TGFBR2: variants seen among roughly 807,000 people sequenced by gnomAD.
The protein encoded by TGFBR2 is transforming growth factor beta receptor 2.
In TGFBR2, 18 loss-of-function variants were observed where a neutral mutation model predicts 49.0. The ratio of observed to expected loss-of-function variants is 0.37; its 90% CI spans 0.25 to 0.54. The LOEUF (loss-of-function observed/expected upper bound fraction) is 0.54. TGFBR2 is among the 20% of genes least tolerant of loss of function. The pLI, the probability that TGFBR2 is intolerant of heterozygous loss-of-function variation, is 0.85. For synonymous variants in TGFBR2, 282 were observed against 275.9 expected (o/e 1.02, Z -0.22); for missense variants, 525 against 722.6 (o/e 0.73, Z 3.13).
At chr3:30,653,254 T>TTTTC (rs1698929406) in intron 3 of TGFBR2, among the ~76,000 whole-genome samples, 1 of 102,166 alleles carries the variant, frequency 9.8e-6, no homozygotes, top group Admixed American at 1.1e-4. Flanking sequence ...TGAAAACTTT[T>TTTTC]TTTTTTTTTT....
At chr3:30,668,581 C>CTT (rs3836404) in intron 3 of TGFBR2, among the ~76,000 whole-genome samples, 11 of 151,998 alleles carry the variant, frequency 7.2e-5, no homozygotes, top group South Asian at 4.2e-4. Context: ...ACAAGAGCAT[C>CTT]TTTTTTTTCT....
intron 1 of TGFBR2, among the ~76,000 whole-genome samples, chr3:30,613,923 C>T (rs929009378): frequency 1.3e-5 from 2 of 152,158 alleles, no homozygotes; most frequent in Non-Finnish European, 2.9e-5. Flanking sequence ...AGCAACATTC[C>T]TTTGCAGAGA....
chr3:30,635,008 T>G (rs945688664), intron 1 of TGFBR2, among the ~76,000 whole-genome samples: 2 of 152,226 alleles, frequency 1.3e-5, no homozygotes, highest in African/African-American at 2.4e-5. Flanking sequence ...CAGTCAGTCT[T>G]TGCCAGATAA....
intron 1 of TGFBR2, among the ~76,000 whole-genome samples, chr3:30,622,229 C>T (rs1698243079): frequency 6.6e-6 from 1 of 152,168 alleles, no homozygotes; most frequent in Admixed American, 6.5e-5. Context: ...TCTTAAATTA[C>T]CTTCCCATGT....
intron 1 of TGFBR2, among the ~76,000 whole-genome samples, chr3:30,640,584 C>G (rs552560706): frequency 6.6e-6 from 1 of 152,240 alleles, no homozygotes; most frequent in East Asian, 1.9e-4. Context: ...AGTTGTTATA[C>G]TGTGTTGCTT....
chr3:30,678,215 C>T (rs532030948), intron 5 of TGFBR2, among the ~76,000 whole-genome samples: 33 of 152,150 alleles, frequency 2.2e-4, no homozygotes, highest in African/African-American at 6.7e-4. Flanking sequence ...TCTGACCCAT[C>T]GAGCCAGCTA....
chr3:30,651,388 C>A (rs998184926), intron 3 of TGFBR2, among the ~76,000 whole-genome samples: 2 of 152,182 alleles, frequency 1.3e-5, no homozygotes, highest in Non-Finnish European at 2.9e-5. Context: ...GTCTTCCTTT[C>A]TCTTTCCCTC....
chr3:30,629,595 G>A (rs1374353668), intron 1 of TGFBR2, among the ~76,000 whole-genome samples: 1 of 152,092 alleles, frequency 6.6e-6, no homozygotes, highest in Non-Finnish European at 1.5e-5. Flanking sequence ...TGCAGATAAG[G>A]TTTCCTTTGG....
intron 1 of TGFBR2, among the ~76,000 whole-genome samples, chr3:30,636,155 ATGTGTGTGTGTGTGTGTGTGTGTGTGTG>A (rs61296907): frequency 7.4e-6 from 1 of 134,638 alleles, no homozygotes; most frequent in African/African-American, 2.8e-5. Flanking sequence ...ATATATATGT[ATGTGTGTGTGTGTGTGTGTGTGTGTGTG>A]TGTGTGTGTG....
intron 1 of TGFBR2, among the ~76,000 whole-genome samples, chr3:30,618,581 A>G (rs1029187200): frequency 6.6e-6 from 1 of 152,066 alleles, no homozygotes; most frequent in Non-Finnish European, 1.5e-5. Context: ...AATCATGTTT[A>G]CCTCATTAGG....
At chr3:30,615,089 A>G (rs1698106866) in intron 1 of TGFBR2, among the ~76,000 whole-genome samples, 1 of 152,198 alleles carries the variant, frequency 6.6e-6, no homozygotes, top group Admixed American at 6.5e-5. Context: ...CTCAAGTGAT[A>G]CAGTCTTGGC....
rs61296907 is a variant in TGFBR2 at position 30,636,155 on chromosome 3, ATGTGTGTGTGTGTGTGTGTGTG to A, written c.95-8568_95-8547del. Reference sequence around the variant, plus strand: ...AGTTTCAGTGTGAAAATATATATGTATGTGTGTGTGTGTGTGTGTGTGTGTGTGTGTGTGTGTGTGTGTGTAT... The same window carrying A: ...AGTTTCAGTGTGAAAATATATATGTATGTGTGTGTGTGTGTGTGTGTGTAT... On this transcript the variant is annotated intron_variant, in intron 1 of 6. Transcript: ENST00000295754. 2.2e-5 allele frequency among the ~76,000 whole-genome samples: 3 copies of A among 134,724 alleles called. No individual in the cohort carries two copies. The South Asian group carries it at 7.6e-4, about 34-fold the overall frequency. 88.4% of individuals were successfully genotyped at this position (134,724 alleles called of 152,430 possible).
intron 1 of TGFBR2, among the ~76,000 whole-genome samples, chr3:30,638,448 G>A (rs1458965162): frequency 2.0e-5 from 3 of 152,170 alleles, no homozygotes; most frequent in Non-Finnish European, 4.4e-5. Flanking sequence ...TTAGCTAAAT[G>A]ATGGTATCTC....
chr3:30,627,503 A>G (rs1698355112), intron 1 of TGFBR2, among the ~76,000 whole-genome samples: 1 of 152,040 alleles, frequency 6.6e-6, no homozygotes, highest in Non-Finnish European at 1.5e-5. Context: ...GGTAGCCAGT[A>G]GCCTAAAAAC....
intron 1 of TGFBR2, among the ~76,000 whole-genome samples, chr3:30,613,525 T>TGAGA (rs34082216): frequency 1.2e-4 from 18 of 148,592 alleles, no homozygotes; most frequent in Middle Eastern, 6.9e-3. Flanking sequence ...TGTCTGTATG[T>TGAGA]GAGAGAGAGA....
At chr3:30,667,505 CAAATT>C (rs1699266020) in intron 3 of TGFBR2, among the ~76,000 whole-genome samples, 3 of 152,166 alleles carry the variant, frequency 2.0e-5, no homozygotes, top group Admixed American at 6.5e-5. Context: ...TCCTCCCCCT[CAAATT>C]TTTTAAGTGT....
At chr3:30,608,623 A>G (rs1210262221) in intron 1 of TGFBR2, among the ~76,000 whole-genome samples, 2 of 152,154 alleles carry the variant, frequency 1.3e-5, no homozygotes, top group Non-Finnish European at 2.9e-5. Flanking sequence ...TTTGAAGTGG[A>G]TTGGGAACTT....
intron 1 of TGFBR2, among the ~76,000 whole-genome samples, chr3:30,609,102 A>G (rs1435517642): frequency 6.6e-6 from 1 of 152,194 alleles, no homozygotes; most frequent in Non-Finnish European, 1.5e-5. Flanking sequence ...TTATTTGGGT[A>G]TTTAGACAGT....
At chr3:30,644,245 C>A (rs770333127) in intron 1 of TGFBR2, among the ~76,000 whole-genome samples, 12 of 152,196 alleles carry the variant, frequency 7.9e-5, no homozygotes, top group Non-Finnish European at 1.8e-4. Context: ...TGTGGCACTT[C>A]ATGACTCTGT....
Sources: allele counts gnomAD v4.1 joint callset (sites outside exome capture counted in the v4.1 genomes callset), GRCh38; gene constraint gnomAD v4.1.1; transcripts MANE v1.5; gene names NCBI Gene and HGNC (gene_info 2026-07-23, HGNC 2026-07-21).